The following CPVL variants were observed in gnomAD, a reference collection of about 807,000 sequenced individuals.
The protein encoded by CPVL is probable serine carboxypeptidase CPVL.
A neutral mutation model predicts 63.7 loss-of-function variants in CPVL; 51 were observed. The ratio of observed to expected loss-of-function variants is 0.80; its 90% confidence interval spans 0.64 to 1.01. The LOEUF (loss-of-function observed/expected upper bound fraction) is 1.01, where lower values mean the gene tolerates loss of function less well. Among genes scored for constraint, CPVL ranks in the 50% least tolerant of loss-of-function variants. The pLI is 0.00. For missense variants in CPVL, 530 were observed against 573.1 expected, an observed-to-expected ratio of 0.92 and a Z score of 0.77; for synonymous variants, 195 against 206.0, an observed-to-expected ratio of 0.95 and a Z score of 0.46.
intron 12 of CPVL, among the ~76,000 whole-genome samples, chr7:29,023,581 A>AGTT (rs1054932766): frequency 6.6e-6 from 1 of 152,146 alleles, no homozygotes; most frequent in African/African-American, 2.4e-5. Flanking sequence ...TGCTTCTACC[A>AGTT]GTTTCCATGT....
intron 12 of CPVL, among the ~76,000 whole-genome samples, chr7:28,999,072 CA>C (rs1389888396): frequency 6.6e-6 from 1 of 151,758 alleles, no homozygotes; most frequent in African/African-American, 2.4e-5. Flanking sequence ...ATTAGCCAGG[CA>C]TGGTGATGCA....
chr7:29,173,130 CA>C (rs56379349), intron 5 of CPVL, among the ~76,000 whole-genome samples: 13,819 of 80,082 alleles, frequency 0.17, 668 homozygotes, highest in Middle Eastern at 0.22. Context: ...GACTCTGTAT[CA>C]AAAAAAAAAA....
At chr7:29,083,603 C>G (rs889234371) in intron 7 of CPVL, among the ~76,000 whole-genome samples, 2 of 152,150 alleles carry the variant, frequency 1.3e-5, no homozygotes, top group African/African-American at 4.8e-5. Flanking sequence ...AAGAACTTGC[C>G]TGAGAATGAA....
chr7:29,071,720 C>T, intron 9 of CPVL, 53 bp downstream of exon 9: 3 of 1,140,090 alleles, frequency 2.6e-6, no homozygotes, highest in Non-Finnish European at 3.7e-6. Flanking sequence ...CCCGCCCTCC[C>T]TCCCCAGATG....
At chr7:29,017,458 A>C (rs1229403643) in intron 12 of CPVL, among the ~76,000 whole-genome samples, 7 of 152,214 alleles carry the variant, frequency 4.6e-5, no homozygotes, top group Non-Finnish European at 8.8e-5. Flanking sequence ...ACACGGTGAA[A>C]CCCCATCTCC....
chr7:29,083,723 A>G (rs893453973), intron 7 of CPVL, among the ~76,000 whole-genome samples: 5 of 152,130 alleles, frequency 3.3e-5, no homozygotes, highest in Non-Finnish European at 7.3e-5. Context: ...TAAATCAATC[A>G]ATGCCCTGTT....
intron 1 of CPVL, among the ~76,000 whole-genome samples, chr7:29,134,681 C>T (rs1323186061): frequency 6.6e-6 from 1 of 151,914 alleles, no homozygotes; most frequent in Non-Finnish European, 1.5e-5. Context: ...TTATAGAAAT[C>T]TCACAGAAAA....
chr7:29,123,597 GAAAAAAAAAAAA>G (rs778757980), intron 1 of CPVL, among the ~76,000 whole-genome samples: 25 of 41,236 alleles, frequency 6.1e-4, no homozygotes, highest in South Asian at 1.4e-3. Context: ...AACTGGTTCA[GAAAAAAAAAAAA>G]AAAAAAAAAA....
chr7:29,071,508 C>A (rs534459227), intron 9 of CPVL, among the ~76,000 whole-genome samples: 2 of 152,132 alleles, frequency 1.3e-5, no homozygotes, highest in African/African-American at 4.8e-5. Context: ...TTAAAGAAAT[C>A]AAAACGGTTA....
chr7:29,003,187 C>T (rs201591649), intron 12 of CPVL, among the ~76,000 whole-genome samples: 71 of 35,396 alleles, frequency 2.0e-3, no homozygotes, highest in Non-Finnish European at 2.5e-3. Flanking sequence ...CACACACACA[C>T]AGAGAGAATA....
intron 12 of CPVL, among the ~76,000 whole-genome samples, chr7:29,024,565 C>G (rs1194347415): frequency 6.6e-6 from 1 of 152,064 alleles, no homozygotes; most frequent in East Asian, 1.9e-4. Context: ...TGTCAAAAGT[C>G]AAAGACAAAG....
At chr7:29,056,356 T>TCCCC in intron 11 of CPVL, among the ~76,000 whole-genome samples, 1 of 152,120 alleles carries the variant, frequency 6.6e-6, no homozygotes, top group African/African-American at 2.4e-5. Flanking sequence ...GATCCCTCCC[T>TCCCC]CCCCCAACTC....
intron 1 of CPVL, among the ~76,000 whole-genome samples, chr7:29,132,495 T>C (rs1001719118): frequency 1.3e-5 from 2 of 152,082 alleles, no homozygotes; most frequent in African/African-American, 2.4e-5. Context: ...TTGGATAAAC[T>C]GGTCATGTTG....
chr7:29,087,379 G>GCGCCAT (rs1378380791), intron 6 of CPVL, among the ~76,000 whole-genome samples: 1 of 145,554 alleles, frequency 6.9e-6, no homozygotes, highest in Non-Finnish European at 1.5e-5. Flanking sequence ...AGCTGAGATT[G>GCGCCAT]CGCCATTGCA....
intron 11 of CPVL, among the ~76,000 whole-genome samples, chr7:29,057,977 C>T (rs1790910700): frequency 6.6e-6 from 1 of 151,976 alleles, no homozygotes; most frequent in African/African-American, 2.4e-5. Flanking sequence ...GACTTTATTC[C>T]TCTTGTTCAA....
At chr7:28,994,640 G>C (rs542749242), downstream of CPVL, among the ~76,000 whole-genome samples, 226 of 152,284 alleles carry the variant, frequency 1.5e-3, no homozygotes, top group Non-Finnish European at 2.6e-3. Context: ...ATCTGCTTTT[G>C]ATCAGAATAT....
At chr7:29,011,564 G>A (rs965292743) in intron 12 of CPVL, 3 of 152,216 alleles carry the variant, frequency 2.0e-5, no homozygotes, top group African/African-American at 7.2e-5. Flanking sequence ...GACAGGGCAA[G>A]TCCCTGCCTT....
At chr7:29,168,016 C>A in intron 5 of CPVL, among the ~76,000 whole-genome samples, 1 of 152,150 alleles carries the variant, frequency 6.6e-6, no homozygotes, top group Non-Finnish European at 1.5e-5. Flanking sequence ...TCCCAGATGA[C>A]CTAAACTGGA....
At chr7:29,046,238 C>T (rs954462137) in intron 11 of CPVL, among the ~76,000 whole-genome samples, 7 of 152,024 alleles carry the variant, frequency 4.6e-5, no homozygotes, top group Non-Finnish European at 8.8e-5. Context: ...GCATGCACCA[C>T]CACACCCGGC....
Sources: allele counts gnomAD v4.1 joint callset (sites outside exome capture counted in the v4.1 genomes callset), GRCh38; gene constraint gnomAD v4.1.1; transcripts MANE v1.5; gene names NCBI Gene and HGNC (gene_info 2026-07-23, HGNC 2026-07-21).